The following KIF21A variants were observed in gnomAD, a reference collection of about 807,000 sequenced individuals.
The protein encoded by KIF21A is kinesin family member 21A, also known as kinesin-like protein KIF21A.
In KIF21A, 114 loss-of-function variants were observed where a neutral mutation model predicts 202.9. The ratio of observed to expected loss-of-function variants is 0.56; its 90% CI spans 0.48 to 0.66. The LOEUF is 0.66. Ranked by LOEUF, KIF21A falls within the 30% of genes least tolerant of loss-of-function variation. The pLI is 0.00. For missense variants in KIF21A, 1,677 were observed against 1,994.9 expected (o/e 0.84, Z 3.04); for synonymous variants, 667 against 670.8 (o/e 0.99, Z 0.09).
chr12:39,367,854 C>T (rs747485546), intron 4 of KIF21A, 29 bp downstream of exon 4: 1 of 1,576,348 alleles, frequency 6.3e-7, no homozygotes, highest in South Asian at 1.1e-5. Flanking sequence ...GCCAACTATG[C>T]TCTGTTTTAA....
In KIF21A at chr12:39,341,121, T is replaced by C. The variant is rs1031976125; in HGVS notation, c.1922-27A>G. 2.6e-6 allele frequency: 4 copies of C among 1,534,420 alleles called. No homozygotes were observed. In the East Asian group the frequency reaches 7.0e-5, roughly 27 times the overall value. On this transcript the variant is annotated intron_variant, in intron 14 of 37. Transcript: ENST00000361418. ...TATTTATAAAAGAAGAAAATAAAAA[T>C]CCTGGTGCTAGGCCAAAATATCAGA... is the stretch of plus-strand genomic sequence containing the variant.
chr12:39,415,431 G>C (rs897796365), intron 1 of KIF21A, among the ~76,000 whole-genome samples: 11 of 151,702 alleles, frequency 7.3e-5, no homozygotes, highest in Non-Finnish European at 1.6e-4. Context: ...TAATAGAGAC[G>C]GGGTTTCACC....
intron 1 of KIF21A, among the ~76,000 whole-genome samples, chr12:39,441,660 T>TAAAAAAAAAAATAAAAAAAAAA (rs1939606698): frequency 2.6e-5 from 1 of 37,788 alleles, no homozygotes; most frequent in African/African-American, 1.0e-4. Context: ...CCCTGGGTGG[T>TAAAAAAAAAAATAAAAAAAAAA]AAAAAAAAAA....
intron 1 of KIF21A, among the ~76,000 whole-genome samples, chr12:39,401,559 G>C (rs958749782): frequency 6.6e-6 from 1 of 152,180 alleles, no homozygotes; most frequent in Non-Finnish European, 1.5e-5. Flanking sequence ...TAAAGGCCAA[G>C]TTCCCATGAT....
intron 1 of KIF21A, among the ~76,000 whole-genome samples, chr12:39,406,616 T>C (rs1952611373): frequency 1.3e-5 from 2 of 152,242 alleles, no homozygotes; most frequent in African/African-American, 4.8e-5. Context: ...TTTCCCTGTG[T>C]ATCATCTAAC....
chr12:39,367,855 T>C, intron 4 of KIF21A, 28 bp downstream of exon 4: 1 of 1,580,944 alleles, frequency 6.3e-7, no homozygotes, highest in Non-Finnish European at 8.7e-7. Flanking sequence ...CCAACTATGC[T>C]CTGTTTTAAC....
At chr12:39,376,884 T>G (rs1350879693) in intron 1 of KIF21A, among the ~76,000 whole-genome samples, 1 of 152,180 alleles carries the variant, frequency 6.6e-6, no homozygotes, top group Non-Finnish European at 1.5e-5. Flanking sequence ...TATTTCTCCC[T>G]ACAGATAGAA....
In KIF21A at chr12:39,293,228, T is replaced by A. The variant is rs1006057653; in HGVS notation, c.*1196A>T. On this transcript the variant is annotated 3_prime_UTR_variant, in exon 38 of 38. Coordinates refer to ENST00000361418, the MANE Select transcript of KIF21A (RefSeq NM_001173464.2). ...TGGAAAAAGAACAATACAGTAAAAATAATTTCATAGCAACATGTTTATTTA... is the reference window on the plus strand; with the variant it reads ...TGGAAAAAGAACAATACAGTAAAAAAAATTTCATAGCAACATGTTTATTTA... 1.1e-4 allele frequency: 17 copies of A among 152,170 alleles called. No homozygotes were observed. The highest frequency in any genetic ancestry group is 1.1e-3 in the Admixed American group (17 of 15,280). The allele number at this position is 152,170 out of a possible 1,614,324, so 9.4% of individuals were successfully genotyped here. A position where few individuals can be genotyped will look rare whatever the true frequency, so the allele number is the denominator to read the frequency against.
At position 39,294,519 on chromosome 12, in the gene KIF21A, T is replaced by G. The variant is rs1428862644; in HGVS notation, c.4932-2A>C. 1 of 1,609,994 alleles carries G rather than the reference T, an allele frequency of 6.2e-7. No homozygotes were observed. The highest frequency in any genetic ancestry group is 8.5e-7 in the Non-Finnish European group (1 of 1,176,698). On this transcript the variant is annotated splice_acceptor_variant, in intron 37 of 37. Transcript: ENST00000361418. LOFTEE classifies it high-confidence loss of function. ...TTCCAAATTCTCACAGTTCGATCACTACAAAAAAATAAACAAAACATGGAT... is the reference window on the plus strand; with the variant it reads ...TTCCAAATTCTCACAGTTCGATCACGACAAAAAAATAAACAAAACATGGAT...
chr12:39,345,706 A>G (rs1947833740), intron 12 of KIF21A, among the ~76,000 whole-genome samples: 1 of 151,916 alleles, frequency 6.6e-6, no homozygotes, highest in East Asian at 1.9e-4. Flanking sequence ...TATGTAATCT[A>G]GAGATTTGTT....
chr12:39,320,188 G>C lies in KIF21A; in HGVS notation c.3672-175C>G, dbSNP rs139053558. On this transcript the variant is annotated intron_variant, in intron 27 of 37. Coordinates refer to ENST00000361418, the MANE Select transcript of KIF21A (RefSeq NM_001173464.2). ...AATACTACATGAGTTATATTTAGTT[G>C]ATGGAAGCTCAGCAACTATAATTTT... 3.0e-3 allele frequency among the ~76,000 whole-genome samples: 459 copies of C among 152,232 alleles called. 1 individual carries two copies. The highest frequency in any genetic ancestry group is 3.8e-3 in the Non-Finnish European group (259 of 67,994).
At chr12:39,435,065 G>A (rs985393194) in intron 1 of KIF21A, among the ~76,000 whole-genome samples, 24 of 152,218 alleles carry the variant, frequency 1.6e-4, no homozygotes, top group African/African-American at 5.3e-4. Context: ...TACACACTAA[G>A]ATACCCAAAA....
At chr12:39,333,468 T>C (rs1946681036) in intron 17 of KIF21A, among the ~76,000 whole-genome samples, 188 bp from the exon 18 acceptor site, 1 of 152,194 alleles carries the variant, frequency 6.6e-6, no homozygotes, top group South Asian at 2.1e-4. Flanking sequence ...TAAATACAGA[T>C]ATACCCCATC....
chr12:39,332,769 C>T (rs2138139944), intron 19 of KIF21A, 25 bp from the exon 20 acceptor site: 2 of 1,613,242 alleles, frequency 1.2e-6, no homozygotes, highest in South Asian at 2.2e-5. Context: ...AACAGACAAG[C>T]TCAATTACTT....
At chr12:39,337,362 G>T in intron 16 of KIF21A, 159 bp from the exon 17 acceptor site, 2 of 615,230 alleles carry the variant, frequency 3.3e-6, no homozygotes, top group South Asian at 1.9e-5. Flanking sequence ...ATTTCTGTGG[G>T]ATTCATATAT....
At chr12:39,395,967 T>C (rs1951721429) in intron 1 of KIF21A, among the ~76,000 whole-genome samples, 1 of 152,006 alleles carries the variant, frequency 6.6e-6, no homozygotes, top group African/African-American at 2.4e-5. Context: ...TATCTAATTA[T>C]GCTCTTAAAA....
chr12:39,357,930 A>G (rs1192910925), intron 8 of KIF21A, among the ~76,000 whole-genome samples: 1 of 86,152 alleles, frequency 1.2e-5, no homozygotes, highest in Non-Finnish European at 2.5e-5. Flanking sequence ...AAAAAAAAAA[A>G]AAAAAAAAAA....
rs1555172724 is a variant in KIF21A at position 39,355,707 on chromosome 12, T to TTATATATATATACATATATA, written c.1469+1124_1469+1125insTATATATGTATATATATATA. ...TACCAAAAACATGAAGCATGAACAATTATATATATATATATATATATATAT... is the reference window on the plus strand; with the variant it reads ...TACCAAAAACATGAAGCATGAACAATTATATATATATACATATATATATATATATATATATATATATATAT... On this transcript the variant is annotated intron_variant, in intron 10 of 37. Coordinates refer to ENST00000361418, the MANE Select transcript of KIF21A (RefSeq NM_001173464.2). Among the ~76,000 whole-genome samples the TTATATATATATACATATATA allele has an allele frequency of 6.7e-3, 682 of 101,212 alleles. 37 individuals carry two copies. Among genetic ancestry groups the TTATATATATATACATATATA allele is most frequent in the African/African-American group, 0.028 (584 of 20,614 alleles). The allele number at this position is 101,212 out of a possible 152,430, so 66.4% of individuals were successfully genotyped here. A position where few individuals can be genotyped will look rare whatever the true frequency, so the allele number is the denominator to read the frequency against.
chr12:39,370,373 A>G, intron 1 of KIF21A, 112 bp from the exon 2 acceptor site: 1 of 728,662 alleles, frequency 1.4e-6, no homozygotes, highest in South Asian at 1.6e-5. Flanking sequence ...TCATGTAATT[A>G]CCTAATGCTT....
Sources: gnomAD v4.1 joint callset for allele counts (sites outside exome capture counted in the v4.1 genomes callset) on GRCh38, gnomAD v4.1.1 for gene constraint, MANE v1.5 for transcripts, NCBI Gene and HGNC (gene_info 2026-07-23, HGNC 2026-07-21) for gene names.